ATF6: variants seen among roughly 807,000 people sequenced by gnomAD.
ATF6 encodes cyclic AMP-dependent transcription factor ATF-6 alpha.
ATF6 carries 53 observed loss-of-function variants against 83.6 expected under a neutral mutation model. That is an observed-to-expected ratio of 0.63 (90% confidence interval 0.51 to 0.80). ATF6 has a LOEUF of 0.80. ATF6 is among the 30% of genes least tolerant of loss of function. The pLI is 0.00. For synonymous variants in ATF6, 288 were observed against 285.8 expected (o/e 1.01, Z -0.08); for missense variants, 744 against 797.9 (o/e 0.93, Z 0.81).
intron 5 of ATF6, 51 bp downstream of exon 5, chr1:161,791,588 G>T: frequency 6.5e-7 from 1 of 1,530,932 alleles, no homozygotes; most frequent in South Asian, 1.2e-5. Flanking sequence ...ATTGAGCTTA[G>T]GTTCCATTTC....
intron 14 of ATF6, among the ~76,000 whole-genome samples, chr1:161,864,243 A>G (rs1686944881): frequency 6.6e-6 from 1 of 152,080 alleles, no homozygotes. Flanking sequence ...CACAAGTTTG[A>G]ATGAAGCAGG....
At position 161,851,835 on chromosome 1, in the gene ATF6, G is replaced by A; in HGVS notation, c.1433G>A (p.Arg478Lys). Reference protein sequence around the residue: ...QPLINTTESLRLNHELRGWVH... With the variant: ...QPLINTTESLKLNHELRGWVH... ...CTAATTAACACAACAGAGTCTCTCAGGTGAGTGTTGTAGATTATTGCAGAA... is the reference window on the plus strand; with the variant it reads ...CTAATTAACACAACAGAGTCTCTCAAGTGAGTGTTGTAGATTATTGCAGAA... Residue 478 changes from arginine (R) to lysine (K), a missense_variant and splice_region_variant, in exon 11 of 16, where the codon AGG becomes AAG. By Grantham distance (26) the Arg-to-Lys change is conservative. Coordinates refer to ENST00000367942, the MANE Select transcript of ATF6 (RefSeq NM_007348.4). The A allele has an allele frequency of 1.9e-6, 3 of 1,606,650 alleles. No individual in the cohort carries two copies. Among genetic ancestry groups the A allele is most frequent in the Non-Finnish European group, 2.6e-6 (3 of 1,173,518 alleles).
At chr1:161,845,215 G>A (rs571213959) in intron 9 of ATF6, among the ~76,000 whole-genome samples, 1 of 152,282 alleles carries the variant, frequency 6.6e-6, no homozygotes, top group East Asian at 1.9e-4. Flanking sequence ...CAAATTTGGA[G>A]ACAAACTACT....
chr1:161,867,065 C>T (rs956946503), intron 14 of ATF6, among the ~76,000 whole-genome samples: 3 of 152,104 alleles, frequency 2.0e-5, no homozygotes, highest in Non-Finnish European at 4.4e-5. Flanking sequence ...GAGGCCGAGG[C>T]GGGTGGATCA....
At chr1:161,868,269 A>G (rs780058846) in intron 14 of ATF6, among the ~76,000 whole-genome samples, 43 of 152,210 alleles carry the variant, frequency 2.8e-4, no homozygotes, top group Non-Finnish European at 5.4e-4. Flanking sequence ...GCTTTGGCTT[A>G]TGATCCACAG....
Position 161,963,155 on chromosome 1 carries a change from C to T in ATF6, c.*4501C>T, listed in dbSNP as rs1689135320. 1 of 152,138 alleles carries T rather than the reference C, an allele frequency of 6.6e-6. No individual in the cohort carries two copies. The allele number at this position is 152,138 out of a possible 1,614,324, so 9.4% of individuals were successfully genotyped here. On this transcript the variant is annotated 3_prime_UTR_variant, in exon 16 of 16. Transcript: ENST00000367942. ...AGGAACTATGCTCGTAAAAGAAATG[C>T]AGTTTTCTCCTACCTAAAAAAAAGA... is the stretch of plus-strand genomic sequence containing the variant.
At chr1:161,787,780 G>T (rs901387326) in intron 4 of ATF6, among the ~76,000 whole-genome samples, 2 of 152,048 alleles carry the variant, frequency 1.3e-5, no homozygotes, top group African/African-American at 4.8e-5. Context: ...TTTTCCAAAT[G>T]ACTATCAAAA....
chr1:161,820,985 T>C, intron 8 of ATF6, 85 bp from the exon 9 acceptor site: 1 of 855,770 alleles, frequency 1.2e-6, no homozygotes, highest in Non-Finnish European at 1.8e-6. Context: ...ACGTAACCGG[T>C]AAAGAGGAAA....
rs1684901614 is a variant in ATF6, at chr1:161,792,300, A to G, written c.661A>G (p.Ile221Val). 6.2e-7 allele frequency: 1 copy of G among 1,614,012 alleles called. No homozygotes were observed. The highest frequency in any genetic ancestry group is 8.5e-7 in the Non-Finnish European group (1 of 1,180,000). The change falls in exon 6 of 16, where the codon ATC (isoleucine) becomes GTC (valine). Residue 221 changes from isoleucine (I) to valine (V), a missense_variant. Ile to Val is a conservative substitution (Grantham distance 29). Coordinates refer to ENST00000367942, the MANE Select transcript of ATF6 (RefSeq NM_007348.4). ...LMPLAKQQPI[I>V]SLQPAPTKGQ... ...GCCATTGGCAAAGCAGCAACCAATTATCAGTTTACAACCTGCACCCACTAA... is the reference window on the plus strand; with the variant it reads ...GCCATTGGCAAAGCAGCAACCAATTGTCAGTTTACAACCTGCACCCACTAA...
chr1:161,857,803 A>G (rs969577804), intron 12 of ATF6, among the ~76,000 whole-genome samples: 4 of 147,146 alleles, frequency 2.7e-5, no homozygotes, highest in African/African-American at 1.0e-4. Context: ...ATATAAGACA[A>G]TAAGAACACA....
intron 15 of ATF6, among the ~76,000 whole-genome samples, chr1:161,940,580 A>G (rs948268686): frequency 7.6e-5 from 2 of 26,378 alleles, no homozygotes; most frequent in African/African-American, 1.5e-4. Context: ...TTTTTTTGAG[A>G]CAGAGTCTTG....
chr1:161,928,153 A>G (rs986705316), intron 15 of ATF6, among the ~76,000 whole-genome samples: 2 of 152,206 alleles, frequency 1.3e-5, no homozygotes, highest in African/African-American at 4.8e-5. Context: ...AATTAAGAGA[A>G]CCACAACTGA....
chr1:161,934,743 T>C (rs1688505106), intron 15 of ATF6, among the ~76,000 whole-genome samples: 1 of 152,216 alleles, frequency 6.6e-6, no homozygotes, highest in Non-Finnish European at 1.5e-5. Flanking sequence ...AAATGCATTG[T>C]TTTCCATGGA....
chr1:161,880,050 C>T (rs1687290857), intron 14 of ATF6, among the ~76,000 whole-genome samples: 1 of 152,112 alleles, frequency 6.6e-6, no homozygotes, highest in Non-Finnish European at 1.5e-5. Context: ...GGGAACTATA[C>T]CACTTGGAAG....
At chr1:161,857,663 C>T (rs1012680818) in intron 12 of ATF6, among the ~76,000 whole-genome samples, 18 of 151,950 alleles carry the variant, frequency 1.2e-4, no homozygotes, top group Non-Finnish European at 2.2e-4. Context: ...GTAAAAAGAA[C>T]AGGACTTTTT....
At position 161,958,912 on chromosome 1, in the gene ATF6, T is replaced by C. The variant is rs1259181131; in HGVS notation, c.*258T>C. 7.0e-5 allele frequency: 23 copies of C among 327,348 alleles called. No individual in the cohort carries two copies. The highest frequency in any genetic ancestry group is 1.2e-4 in the Non-Finnish European group (22 of 179,236). 20.3% of individuals were successfully genotyped at this position (327,348 alleles called of 1,614,324 possible). On this transcript the variant is annotated 3_prime_UTR_variant, in exon 16 of 16. Coordinates refer to ENST00000367942, the MANE Select transcript of ATF6 (RefSeq NM_007348.4). ...TAGCCCTGCATCCTCCAGTGTTACC[T>C]GGTGTAGATTTTTTTTTCTGTACCT...
At chr1:161,942,283 G>A (rs970813761) in intron 15 of ATF6, among the ~76,000 whole-genome samples, 4 of 152,188 alleles carry the variant, frequency 2.6e-5, no homozygotes, top group African/African-American at 9.7e-5. Context: ...AAACTATGAA[G>A]AATGCAGTTT....
intron 10 of ATF6, among the ~76,000 whole-genome samples, chr1:161,851,455 C>A (rs1019764966): frequency 1.3e-5 from 2 of 152,130 alleles, no homozygotes; most frequent in South Asian, 4.1e-4. Context: ...TATGATGAAC[C>A]ATGTGTTATT....
At chr1:161,848,279 G>A (rs1021701703) in intron 10 of ATF6, among the ~76,000 whole-genome samples, 17 of 152,020 alleles carry the variant, frequency 1.1e-4, no homozygotes, top group African/African-American at 3.4e-4. Context: ...ACCAAAAAAT[G>A]TTTGTGAAAC....
Sources: allele counts gnomAD v4.1 joint callset (sites outside exome capture counted in the v4.1 genomes callset), GRCh38; gene constraint gnomAD v4.1.1; transcripts MANE v1.5; gene names NCBI Gene and HGNC (gene_info 2026-07-23, HGNC 2026-07-21).